Variants in TRAPPC10 observed in about 807,000 individuals in gnomAD.
The protein encoded by TRAPPC10 is TRAPP 130 kDa subunit.
In TRAPPC10, 23 loss-of-function variants were observed where a neutral mutation model predicts 125.5. That is an observed-to-expected ratio of 0.18 (90% CI 0.13 to 0.26). TRAPPC10 has a LOEUF of 0.26. TRAPPC10 is among the 10% of genes least tolerant of loss of function. The pLI is 1.00. For missense variants in TRAPPC10, 1,123 were observed against 1,308.4 expected (o/e 0.86, Z 2.19); for synonymous variants, 509 against 518.0 (o/e 0.98, Z 0.24).
chr21:44,089,801 G>A (rs759652917), intron 17 of TRAPPC10, 32 bp from the exon 18 acceptor site: 9 of 1,567,000 alleles, frequency 5.7e-6, no homozygotes, highest in Non-Finnish European at 7.0e-6. Flanking sequence ...GTCGGCGAGT[G>A]GTCTGAGAGT....
At chr21:44,081,005 C>CTTTTTTTTTTTTTTT (rs71326026) in intron 13 of TRAPPC10, among the ~76,000 whole-genome samples, 1 of 103,868 alleles carries the variant, frequency 9.6e-6, no homozygotes, top group African/African-American at 3.2e-5. Flanking sequence ...TATTATTGTT[C>CTTTTTTTTTTTTTTT]TTTTTTTTTT....
chr21:44,044,660 C>CTTTTTTTTT (rs34356064), intron 3 of TRAPPC10, among the ~76,000 whole-genome samples: 1 of 86,334 alleles, frequency 1.2e-5, no homozygotes, highest in Non-Finnish European at 2.1e-5. Context: ...AAAATCATGT[C>CTTTTTTTTT]TTTTTTTTTT....
At position 44,094,056 on chromosome 21, in the gene TRAPPC10, T is replaced by C. The variant is rs201917165; in HGVS notation, c.2998-7T>C. 1.2e-6 allele frequency: 2 copies of C among 1,611,838 alleles called. No homozygotes were observed. The highest frequency in any genetic ancestry group is 2.7e-5 in the African/African-American group (2 of 74,916). ...GTGTGAGCAGTGACCCCCAACTCTC[T>C]TTCCAGCCCATCTACAGCAAGCAGT... On this transcript the variant is annotated splice_region_variant and splice_polypyrimidine_tract_variant and intron_variant, in intron 19 of 22. Coordinates refer to ENST00000291574, the MANE Select transcript of TRAPPC10 (RefSeq NM_003274.5).
intron 13 of TRAPPC10, among the ~76,000 whole-genome samples, chr21:44,081,079 G>A (rs533007802): frequency 2.3e-5 from 3 of 132,592 alleles, no homozygotes; most frequent in East Asian, 4.7e-4. Context: ...GCAGTGGCAC[G>A]ATCCCAGCTC....
chr21:44,089,039 G>C, intron 17 of TRAPPC10: 1 of 167,438 alleles, frequency 6.0e-6, no homozygotes, highest in East Asian at 2.0e-4. Flanking sequence ...CTTCCCTGGC[G>C]CTGGTGGCAC....
At chr21:44,080,342 C>T (rs1263467452) in intron 13 of TRAPPC10, among the ~76,000 whole-genome samples, 1 of 152,124 alleles carries the variant, frequency 6.6e-6, no homozygotes, top group African/African-American at 2.4e-5. Context: ...AGGACAGTCT[C>T]TTAACCACAC....
At chr21:44,026,299 A>C (rs1018127459) in intron 1 of TRAPPC10, among the ~76,000 whole-genome samples, 1 of 152,094 alleles carries the variant, frequency 6.6e-6, no homozygotes, top group South Asian at 2.1e-4. Flanking sequence ...TATGCATTTG[A>C]TGTTAGTTTT....
chr21:44,041,525 C>T (rs147314575), intron 3 of TRAPPC10, among the ~76,000 whole-genome samples: 18 of 151,680 alleles, frequency 1.2e-4, no homozygotes, highest in South Asian at 8.3e-4. Context: ...TACAGGCATG[C>T]GCCACCACGC....
rs1424410540 is a variant in TRAPPC10 at position 44,094,208 on chromosome 21, A to G, written c.3143A>G (p.Tyr1048Cys). ...QLSISLKPYTYEFKVENFFTL... is the reference protein window; with the variant it reads ...QLSISLKPYTCEFKVENFFTL... Reference sequence around the variant, plus strand: ...TCTATCTCCTTAAAGCCGTATACTTATGAATTTAAAGTGGAAAATTTTTTT... The same window carrying G: ...TCTATCTCCTTAAAGCCGTATACTTGTGAATTTAAAGTGGAAAATTTTTTT... The change falls in exon 20 of 23, where the codon TAT becomes TGT. Residue 1048 changes from tyrosine (Y) to cysteine (C), a missense_variant. This residue lies in a region of TRAPPC10 where 840 missense variants were observed against 902.0 expected (regional missense o/e 0.93). Transcript: ENST00000291574. 3 of 1,610,498 alleles carry G rather than the reference A, an allele frequency of 1.9e-6. No individual in the cohort carries two copies. In the South Asian group the frequency reaches 3.3e-5, roughly 18 times the overall value.
chr21:44,033,020 G>C (rs758675395), intron 2 of TRAPPC10, among the ~76,000 whole-genome samples: 1 of 152,208 alleles, frequency 6.6e-6, no homozygotes, highest in Non-Finnish European at 1.5e-5. Flanking sequence ...ACAGTTAGTC[G>C]TCTGGTGACA....
At chr21:44,061,784 G>A (rs1472391966) in intron 6 of TRAPPC10, among the ~76,000 whole-genome samples, 7 of 152,070 alleles carry the variant, frequency 4.6e-5, no homozygotes, top group Admixed American at 4.6e-4. Context: ...GTTTTTAATC[G>A]AGAAATCTAA....
chr21:44,019,345 CAGACAGCTGCAGGGTCTT>C (rs2032235198), intron 1 of TRAPPC10, among the ~76,000 whole-genome samples: 1 of 152,198 alleles, frequency 6.6e-6, no homozygotes, highest in South Asian at 2.1e-4. Flanking sequence ...CCACTGTGCC[CAGACAGCTGCAGGGTCTT>C]AAACAGTCAA....
intron 1 of TRAPPC10, among the ~76,000 whole-genome samples, chr21:44,022,503 G>A (rs1051725241): frequency 1.1e-4 from 15 of 138,856 alleles, no homozygotes; most frequent in Non-Finnish European, 4.5e-5. Flanking sequence ...TAGTAGAGAT[G>A]GGGTTTCTCC....
chr21:44,065,613 C>G (rs1043505049), intron 7 of TRAPPC10, among the ~76,000 whole-genome samples: 3 of 152,214 alleles, frequency 2.0e-5, no homozygotes, highest in Admixed American at 6.5e-5. Flanking sequence ...CTCTTTCCTT[C>G]TAAGAACCCG....
chr21:44,014,204 C>T (rs780835982), intron 1 of TRAPPC10, among the ~76,000 whole-genome samples: 8 of 152,156 alleles, frequency 5.3e-5, no homozygotes, highest in Non-Finnish European at 7.3e-5. Context: ...CTATTGGATT[C>T]AACCATAACT....
In TRAPPC10 at chr21:44,080,043, A is replaced by C; in HGVS notation, c.1639A>C (p.Ser547Arg). ...NYLQTSSLLA[S>R]DHHLTEEERK... ...CCTGCAGACCAGCAGCCTCTTAGCC[A>C]GTGACCACCACCTCACTGAAGAGGA... Residue 547 changes from serine to arginine, a missense_variant, in exon 13 of 23, where the codon AGT becomes CGT. Physicochemically the swap from Ser to Arg is moderately radical, Grantham distance 110. Around this residue, in one of 4 missense-constraint regions of TRAPPC10, gnomAD observed 840 missense variants for 902.0 expected, o/e 0.93. Transcript: ENST00000291574. The C allele has an allele frequency of 6.2e-7, 1 of 1,614,184 alleles. No homozygotes were observed. Among genetic ancestry groups the C allele is most frequent in the Non-Finnish European group, 8.5e-7 (1 of 1,180,034 alleles).
chr21:44,041,502 G>A (rs1462129578), intron 3 of TRAPPC10, among the ~76,000 whole-genome samples: 1 of 151,344 alleles, frequency 6.6e-6, no homozygotes, highest in East Asian at 1.9e-4. Context: ...TCAGCCTCCC[G>A]AGTAGCTGGG....
intron 5 of TRAPPC10, among the ~76,000 whole-genome samples, chr21:44,056,623 G>A (rs969424817): frequency 6.6e-6 from 1 of 152,130 alleles, no homozygotes; most frequent in African/African-American, 2.4e-5. Flanking sequence ...CGGCAGTCAC[G>A]GAACATATCA....
Position 44,059,008 on chromosome 21 carries a change from C to A in TRAPPC10, c.679-95C>A. 2 of 826,134 alleles carry A rather than the reference C, an allele frequency of 2.4e-6. No homozygotes were observed. Among genetic ancestry groups the A allele is most frequent in the Non-Finnish European group, 3.7e-6 (2 of 541,736 alleles). 51.2% of individuals were successfully genotyped at this position (826,134 alleles called of 1,614,324 possible). On this transcript the variant is annotated intron_variant, in intron 5 of 22. Coordinates refer to ENST00000291574, the MANE Select transcript of TRAPPC10 (RefSeq NM_003274.5). This position sits in a 1 kb window ranked among gnomAD's most constrained non-coding sequence, Gnocchi z 4.4. The stretch of plus-strand genomic sequence containing the variant: ...AGCGTAGACATTATTCATAGTGCTG[C>A]GTGCCTTTCTCTGTCGTTTAATGGC...
Sources: gnomAD v4.1 joint callset for allele counts (sites outside exome capture counted in the v4.1 genomes callset) on GRCh38, gnomAD v4.1.1 for gene constraint, gnomAD v4.1.1 regional missense constraint, Gnocchi (gnomAD v3.1) non-coding constraint, MANE v1.5 for transcripts, NCBI Gene and HGNC (gene_info 2026-07-23, HGNC 2026-07-21) for gene names.